DCTN1: variants seen among roughly 807,000 people sequenced by gnomAD.
DCTN1 encodes the protein dynactin subunit 1.
Under a neutral mutation model 161.2 loss-of-function variants are expected in DCTN1, and 61 were observed. The ratio of observed to expected loss-of-function variants is 0.38; its 90% CI spans 0.31 to 0.47. The LOEUF is 0.47. Among genes scored for constraint, DCTN1 ranks in the 20% least tolerant of loss-of-function variants. The pLI is 0.99. For missense variants in DCTN1, 1,404 were observed against 1,623.7 expected (o/e 0.86, Z 2.33); for synonymous variants, 653 against 632.4 (o/e 1.03, Z -0.49).
chr2:74,361,982 T>A (rs1343079144), intron 31 of DCTN1, 70 bp downstream of exon 31: 20 of 1,501,984 alleles, frequency 1.3e-5, no homozygotes, highest in Non-Finnish European at 1.8e-5. Flanking sequence ...CCTCCTCCAA[T>A]TCTGGAGGAG....
At chr2:74,376,844 G>T in intron 4 of DCTN1, 82 bp from the exon 5 acceptor site, 1 of 1,315,804 alleles carries the variant, frequency 7.6e-7, no homozygotes, top group Non-Finnish European at 1.1e-6. Context: ...GCTTACACAG[G>T]TTAGACGCGG....
chr2:74,390,261 G>C (rs960858621), intron 1 of DCTN1, among the ~76,000 whole-genome samples: 4 of 152,192 alleles, frequency 2.6e-5, no homozygotes, highest in African/African-American at 9.7e-5. Flanking sequence ...CTAATACTTG[G>C]AGTCAACATT....
rs751246549 is a variant in DCTN1 at position 74,366,010 on chromosome 2, C to T, written c.2769G>A (p.Pro923=). Residue 923 remains proline (P), a synonymous_variant, in exon 24 of 32, where the codon CCG becomes CCA. Transcript: ENST00000628224. ...DAERPPSKPP[P]VELRAAALRA... ...GAAGGGCAGCAGCCCGCAGTTCAAC[C>T]GGTGGAGGCTAAGGAATGGTCGGTA... 1.4e-5 allele frequency: 22 copies of T among 1,614,090 alleles called. No individual in the cohort carries two copies. Among genetic ancestry groups the T allele is most frequent in the Middle Eastern group, 1.6e-4 (1 of 6,084 alleles).
At chr2:74,391,837 G>T (rs1026650526) in exon 1 of DCTN1, 6 of 453,786 alleles carry the variant, frequency 1.3e-5, no homozygotes, top group Admixed American at 7.1e-5. Flanking sequence ...CCCCACCGAC[G>T]ACCGACGCCC....
At position 74,361,567 on chromosome 2, in the gene DCTN1, C is replaced by A. The variant is rs1673992260; in HGVS notation, c.3769G>T (p.Gly1257Ter). The change falls in exon 32 of 32, where the codon GGA becomes TGA. Residue 1257 changes from glycine (G) to a stop codon, truncating the protein, a stop_gained. Coordinates refer to ENST00000628224, the MANE Select transcript of DCTN1 (RefSeq NM_004082.5). LOFTEE classifies it high-confidence loss of function. ...KVTFSCAAGF[G>*]QRHRLVLTQE... ...GTCAGCACCAGCCGGTGTCGCTGTCCAAAACCAGCCGCACATGAGAAGGTC... is the reference window on the plus strand; with the variant it reads ...GTCAGCACCAGCCGGTGTCGCTGTCAAAAACCAGCCGCACATGAGAAGGTC... 1 of 1,614,060 alleles carries A rather than the reference C, an allele frequency of 6.2e-7. No individual in the cohort carries two copies.
chr2:74,381,130 A>C (rs1658814902), upstream of DCTN1, among the ~76,000 whole-genome samples: 1 of 152,222 alleles, frequency 6.6e-6, no homozygotes, highest in South Asian at 2.1e-4. Flanking sequence ...ATTTAATGAG[A>C]TTATGCATTC....
rs1674761846 is a variant in DCTN1, at chr2:74,370,558, T to C, written c.1049-14A>G. On this transcript the variant is annotated splice_polypyrimidine_tract_variant and intron_variant, in intron 10 of 31. Coordinates refer to ENST00000628224, the MANE Select transcript of DCTN1 (RefSeq NM_004082.5). This position sits in a 1 kb window ranked among gnomAD's most constrained non-coding sequence, Gnocchi z 4.4. ...CGCCATCTGAGCCTGGAGAAGATCA[T>C]TAACACTTTCAGGCATGGTTCTCAC... is the stretch of plus-strand genomic sequence containing the variant. The C allele has an allele frequency of 6.2e-7, 1 of 1,614,144 alleles. No individual in the cohort carries two copies. Among genetic ancestry groups the C allele is most frequent in the African/African-American group, 1.3e-5 (1 of 75,066 alleles).
intron 1 of DCTN1, among the ~76,000 whole-genome samples, chr2:74,388,307 A>G (rs1675833966): frequency 6.6e-6 from 1 of 152,140 alleles, no homozygotes; most frequent in Non-Finnish European, 1.5e-5. Flanking sequence ...TCAAGGCTGT[A>G]GTGCGTGATG....
At chr2:74,390,192 A>G (rs1160560074) in intron 1 of DCTN1, among the ~76,000 whole-genome samples, 1 of 152,264 alleles carries the variant, frequency 6.6e-6, no homozygotes, top group East Asian at 1.9e-4. Context: ...TTTCTTAAAC[A>G]TAATGGAAGA....
Position 74,377,423 on chromosome 2 carries a change from A to G in DCTN1, c.393+9T>C. On this transcript the variant is annotated intron_variant, in intron 4 of 31. Transcript: ENST00000628224. ...TATTATTCCCCATTCCCACCCCCAA[A>G]TCACTCACCAGTTTGCTAGTCTTTG... is the stretch of plus-strand genomic sequence containing the variant. 1 of 1,611,848 alleles carries G rather than the reference A, an allele frequency of 6.2e-7. No homozygotes were observed. The highest frequency in any genetic ancestry group is 8.5e-7 in the Non-Finnish European group (1 of 1,178,038).
At position 74,366,892 on chromosome 2, in the gene DCTN1, T is replaced by A; in HGVS notation, c.2357A>T (p.Asp786Val). ...EATDIALLLR[D>V]LETSCSDIRQ... is the part of the protein sequence containing the mutation. ...GATGTCACTGCATGAAGTTTCCAGA[T>A]CCCGGAGCAGGAGGGCAATATCTGT... Residue 786 changes from aspartate to valine, a missense_variant, in exon 21 of 32, where the codon GAT becomes GTT. Physicochemically the swap from Asp to Val is radical, Grantham distance 152. Coordinates refer to ENST00000628224, the MANE Select transcript of DCTN1 (RefSeq NM_004082.5). 3.7e-6 allele frequency: 6 copies of A among 1,614,228 alleles called. No homozygotes were observed. The highest frequency in any genetic ancestry group is 4.2e-6 in the Non-Finnish European group (5 of 1,180,046).
At position 74,363,422 on chromosome 2, in the gene DCTN1, T is replaced by C. The variant is rs757034536; in HGVS notation, c.3217A>G (p.Ile1073Val). Residue 1073 changes from isoleucine (I) to valine (V), a missense_variant, in exon 28 of 32, where the codon ATC becomes GTC. By Grantham distance (29) the Ile-to-Val change is conservative. This residue lies in a region of DCTN1 where 311 missense variants were observed against 298.9 expected (regional missense o/e 1.04). Transcript: ENST00000628224. The stretch of plus-strand genomic sequence containing the variant: ...ACAGACCCTGGAGCCTGCCCAGGGA[T>C]GGCTCCTGTGGGGACCATAAAAAAT... The part of the protein sequence containing the change: ...IAGEEQQRGA[I>V]PGQAPGSVPG... The C allele has an allele frequency of 2.5e-5, 41 of 1,612,122 alleles. No homozygotes were observed. Among genetic ancestry groups the C allele is most frequent in the Middle Eastern group, 2.0e-4 (1 of 5,100 alleles).
chr2:74,366,637 A>T lies in DCTN1; in HGVS notation c.2467-17T>A, dbSNP rs371136234. 33 of 1,612,716 alleles carry T rather than the reference A, an allele frequency of 2.0e-5. No individual in the cohort carries two copies. In the African/African-American group the frequency reaches 4.3e-4, roughly 21 times the overall value. Reference sequence around the variant, plus strand: ...GTCAGATACCTGTGTGCCAGGCCAGAGTCAGGAGTCAACCCTGGGTTCAGC... The same window carrying T: ...GTCAGATACCTGTGTGCCAGGCCAGTGTCAGGAGTCAACCCTGGGTTCAGC... On this transcript the variant is annotated splice_polypyrimidine_tract_variant and intron_variant, in intron 21 of 31. Transcript: ENST00000628224.
chr2:74,371,780 G>T (rs1297157539), intron 7 of DCTN1, 52 bp from the exon 8 acceptor site: 1 of 1,449,578 alleles, frequency 6.9e-7, no homozygotes, highest in African/African-American at 1.4e-5. Flanking sequence ...GATAGGGGTA[G>T]TAAGAGGAAC....
chr2:74,386,413 T>C (rs1675734099), intron 1 of DCTN1, among the ~76,000 whole-genome samples: 1 of 152,200 alleles, frequency 6.6e-6, no homozygotes. Flanking sequence ...CACATGAGAA[T>C]GCCTGAAAAG....
At chr2:74,362,237 G>A in intron 30 of DCTN1, 96 bp from the exon 31 acceptor site, 1 of 1,093,128 alleles carries the variant, frequency 9.1e-7, no homozygotes. Flanking sequence ...ATACCAGGGG[G>A]GCAGGGACTT....
At chr2:74,391,790 G>A (rs1475186340) in intron 1 of DCTN1, 12 of 453,702 alleles carry the variant, frequency 2.6e-5, no homozygotes, top group Admixed American at 2.6e-4. Flanking sequence ...TCGCGCCTCC[G>A]TACCTGCACT....
chr2:74,384,726 T>C (rs1195098328), upstream of DCTN1, among the ~76,000 whole-genome samples: 1 of 152,240 alleles, frequency 6.6e-6, no homozygotes, highest in African/African-American at 2.4e-5. Context: ...CATCCTTTGA[T>C]ACCTTGATCT....
chr2:74,367,261 A>T (rs988926018), intron 19 of DCTN1, 91 bp downstream of exon 19: 1 of 1,557,892 alleles, frequency 6.4e-7, no homozygotes, highest in African/African-American at 1.4e-5. Flanking sequence ...CCCTAGTCTT[A>T]TGTGACACTT....
Sources: allele counts gnomAD v4.1 joint callset (sites outside exome capture counted in the v4.1 genomes callset), GRCh38; gene constraint gnomAD v4.1.1; regional missense constraint gnomAD v4.1.1; non-coding constraint Gnocchi (gnomAD v3.1); transcripts MANE v1.5; gene names NCBI Gene and HGNC (gene_info 2026-07-23, HGNC 2026-07-21).